Variants in SIRPG observed in about 807,000 individuals in gnomAD.
SIRPG encodes the protein signal regulatory protein gamma.
Under a neutral mutation model 35.7 loss-of-function variants are expected in SIRPG, and 38 were observed. The ratio of observed to expected loss-of-function variants is 1.06; its 90% CI spans 0.82 to 1.40. The LOEUF (loss-of-function observed/expected upper bound fraction) is 1.40, where lower values mean the gene tolerates loss of function less well. Ranked by LOEUF, SIRPG falls within the 40% of genes most tolerant of loss-of-function variation. The pLI, the probability that SIRPG is intolerant of heterozygous loss-of-function variation, is 0.00. For synonymous variants in SIRPG, 215 were observed against 190.4 expected, an observed-to-expected ratio of 1.13 and a Z score of -1.06; for missense variants, 519 against 483.0, an observed-to-expected ratio of 1.07 and a Z score of -0.70.
At chr20:1,655,725 A>C (rs2122581069) in intron 1 of SIRPG, among the ~76,000 whole-genome samples, 1 of 152,330 alleles carries the variant, frequency 6.6e-6, no homozygotes, top group Admixed American at 6.5e-5. Context: ...TATGTTTATT[A>C]GTTCAAATTA....
At chr20:1,667,483 G>A in the SIRPG span, among the ~76,000 whole-genome samples, 922 of 152,304 alleles carry the variant, frequency 6.1e-3, 9 homozygotes, top group African/African-American at 0.018. Flanking sequence ...GCAGCATAGA[G>A]TAATTTATTG....
At chr20:1,662,479 A>G (rs1409506449), upstream of SIRPG, among the ~76,000 whole-genome samples, 1 of 152,228 alleles carries the variant, frequency 6.6e-6, no homozygotes, top group Non-Finnish European at 1.5e-5. Flanking sequence ...CGCTTGTTCC[A>G]TATAGTAAAT....
At chr20:1,654,438 T>C (rs895593206) in intron 1 of SIRPG, among the ~76,000 whole-genome samples, 3 of 152,070 alleles carry the variant, frequency 2.0e-5, no homozygotes, top group Admixed American at 6.6e-5. Context: ...GAAAACACAA[T>C]GGTGAAAGGT....
At chr20:1,671,018 G>A in the SIRPG span, 2 of 393,174 alleles carry the variant, frequency 5.1e-6, no homozygotes, top group South Asian at 2.1e-5. Context: ...GTGCTATAGG[G>A]CATACTTTCT....
chr20:1,630,100 G>A lies in SIRPG; in HGVS notation c.*2+122C>T, dbSNP rs889307245. Reference sequence around the variant, plus strand: ...TTTTAAAGGGTTCCCCAAGACTTCCGAGGGTGCGGAGGGAGCTTAACTCCA... The same window carrying A: ...TTTTAAAGGGTTCCCCAAGACTTCCAAGGGTGCGGAGGGAGCTTAACTCCA... On this transcript the variant is annotated intron_variant, in intron 5 of 5. Transcript: ENST00000303415. The A allele has an allele frequency of 9.5e-5, 70 of 737,122 alleles. No homozygotes were observed. In the Admixed American group the frequency reaches 1.3e-3, roughly 14 times the overall value. 45.7% of individuals were successfully genotyped at this position (737,122 alleles called of 1,614,324 possible).
chr20:1,678,925 G>A, the SIRPG span, among the ~76,000 whole-genome samples: 1 of 152,182 alleles, frequency 6.6e-6, no homozygotes. Flanking sequence ...CAAGACAGAG[G>A]AATGATATGT....
the SIRPG span, among the ~76,000 whole-genome samples, chr20:1,675,843 A>T: frequency 6.6e-6 from 1 of 152,188 alleles, no homozygotes; most frequent in East Asian, 1.9e-4. Context: ...TTTGTGTAAA[A>T]TTAAATGAGC....
chr20:1,682,636 T>C, the SIRPG span, among the ~76,000 whole-genome samples: 166 of 152,334 alleles, frequency 1.1e-3, no homozygotes, highest in Admixed American at 4.2e-3. Flanking sequence ...TCTTCAAAAA[T>C]GTTATTGAGT....
the SIRPG span, among the ~76,000 whole-genome samples, chr20:1,663,184 G>A: frequency 1.3e-5 from 2 of 151,982 alleles, no homozygotes; most frequent in Non-Finnish European, 2.9e-5. Context: ...GTGGTGGTGG[G>A]CGCCTGTAGT....
the SIRPG span, among the ~76,000 whole-genome samples, chr20:1,680,832 G>A: frequency 6.6e-6 from 1 of 151,432 alleles, no homozygotes; most frequent in Non-Finnish European, 1.5e-5. Context: ...ATACTTTCTT[G>A]TTTTTTTGGC....
At chr20:1,635,644 G>C in intron 3 of SIRPG, 45 bp from the exon 4 acceptor site, 1 of 1,589,680 alleles carries the variant, frequency 6.3e-7, no homozygotes, top group Non-Finnish European at 8.6e-7. Flanking sequence ...GGCACAGACA[G>C]ATCACAGGGA....
intron 4 of SIRPG, chr20:1,633,589 C>T (rs2091768040): frequency 6.6e-6 from 1 of 152,194 alleles, no homozygotes; most frequent in African/African-American, 2.4e-5. Flanking sequence ...TGATCACACG[C>T]CTTCCATACA....
At chr20:1,639,930 T>C (rs2091838747) in intron 2 of SIRPG, among the ~76,000 whole-genome samples, 1 of 152,222 alleles carries the variant, frequency 6.6e-6, no homozygotes, top group South Asian at 2.1e-4. Flanking sequence ...CAGATGGTTG[T>C]AAATGTACAG....
chr20:1,646,041 C>G (rs1436634092), intron 2 of SIRPG: 1 of 152,194 alleles, frequency 6.6e-6, no homozygotes, highest in Non-Finnish European at 1.5e-5. Context: ...TAAAGGAGTT[C>G]ATGATGATCA....
intron 2 of SIRPG, among the ~76,000 whole-genome samples, chr20:1,644,778 C>T (rs1209701994): frequency 6.6e-6 from 1 of 152,220 alleles, no homozygotes; most frequent in Non-Finnish European, 1.5e-5. Context: ...TCACTCACCG[C>T]CTCCCTTGGC....
chr20:1,654,950 T>C (rs8119870), intron 1 of SIRPG, among the ~76,000 whole-genome samples: 21,254 of 152,186 alleles, frequency 0.14, 1,658 homozygotes, highest in Non-Finnish European at 0.16. Context: ...TTACTATTCA[T>C]GAGATAAATG....
At chr20:1,683,630 C>T in the SIRPG span, among the ~76,000 whole-genome samples, 4 of 152,068 alleles carry the variant, frequency 2.6e-5, no homozygotes, top group Admixed American at 2.6e-4. Flanking sequence ...AAGCCAGGCA[C>T]AGAAAGACAA....
chr20:1,661,491 T>G (rs983190510), upstream of SIRPG, among the ~76,000 whole-genome samples: 9 of 152,202 alleles, frequency 5.9e-5, no homozygotes, highest in African/African-American at 1.9e-4. Flanking sequence ...AGAAATACAC[T>G]CATGTAGAGC....
intron 1 of SIRPG, 70 bp downstream of exon 1, chr20:1,657,572 C>T: frequency 2.7e-6 from 4 of 1,471,510 alleles, no homozygotes; most frequent in Non-Finnish European, 3.8e-6. Flanking sequence ...TCTGAAATTG[C>T]TGCAAGTCCA....
Sources: gnomAD v4.1 joint callset for allele counts (sites outside exome capture counted in the v4.1 genomes callset) on GRCh38, gnomAD v4.1.1 for gene constraint, MANE v1.5 for transcripts, NCBI Gene and HGNC (gene_info 2026-07-23, HGNC 2026-07-21) for gene names.